SGCD: variants seen among roughly 807,000 people sequenced by gnomAD.
SGCD encodes the protein sarcoglycan delta.
SGCD carries 18 observed loss-of-function variants against 36.6 expected under a neutral mutation model. The observed-to-expected ratio is 0.49, with a 90% CI of 0.34 to 0.73. The LOEUF is 0.73. SGCD is among the 30% of genes least tolerant of loss of function. The probability of loss-of-function intolerance (pLI) is 0.01; values close to 1 mark genes in which losing one functional copy is unlikely to be tolerated. For synonymous variants in SGCD, 133 were observed against 130.6 expected (o/e 1.02, Z -0.12); for missense variants, 387 against 346.7 (o/e 1.12, Z -0.92).
chr5:156,365,730 C>T (rs1258464153), intron 3 of SGCD, among the ~76,000 whole-genome samples: 2 of 151,782 alleles, frequency 1.3e-5, no homozygotes, highest in African/African-American at 4.8e-5. Flanking sequence ...ACAATATATA[C>T]ATGTATATAT....
intron 6 of SGCD, among the ~76,000 whole-genome samples, chr5:156,642,539 G>A (rs561602110): frequency 1.4e-5 from 2 of 138,150 alleles, no homozygotes; most frequent in African/African-American, 2.8e-5. Context: ...ATGGGATCTC[G>A]ACTCCCTGCA....
At chr5:156,397,045 A>G (rs1196457009) in intron 3 of SGCD, among the ~76,000 whole-genome samples, 1 of 152,154 alleles carries the variant, frequency 6.6e-6, no homozygotes, top group African/African-American at 2.4e-5. Context: ...TAGGAGGTTA[A>G]AGGGTCACAA....
intron 3 of SGCD, among the ~76,000 whole-genome samples, chr5:156,242,309 T>A (rs1765325191): frequency 6.6e-6 from 1 of 152,120 alleles, no homozygotes; most frequent in Non-Finnish European, 1.5e-5. Context: ...AGTAGATTAG[T>A]GGCAGGATTA....
chr5:156,443,131 C>T (rs1024805034), intron 3 of SGCD, among the ~76,000 whole-genome samples: 4 of 151,968 alleles, frequency 2.6e-5, no homozygotes, highest in Non-Finnish European at 2.9e-5. Context: ...ATTAGAGGCA[C>T]GCACCATCAT....
chr5:155,940,992 G>A (rs1361440443), intron 1 of SGCD, among the ~76,000 whole-genome samples: 1 of 152,206 alleles, frequency 6.6e-6, no homozygotes, highest in East Asian at 1.9e-4. Flanking sequence ...AATGTATGAA[G>A]AAGAGACATT....
chr5:156,160,593 C>G lies in SGCD; in HGVS notation c.-44+36574C>G, dbSNP rs1763063884. ...TTGAGTTATATTTCCTAAGAGGAAG[C>G]ATTTTTATTTTAAGATTTTGAGGAA... On this transcript the variant is annotated intron_variant, in intron 3 of 9. Coordinates refer to the SGCD transcript ENST00000517913. 1.3e-5 allele frequency among the ~76,000 whole-genome samples: 2 copies of G among 151,622 alleles called. 1 individual carries two copies. The highest frequency in any genetic ancestry group is 4.9e-5 in the African/African-American group (2 of 40,974).
chr5:156,426,833 GT>G (rs1239791377), intron 3 of SGCD, among the ~76,000 whole-genome samples: 1 of 152,018 alleles, frequency 6.6e-6, no homozygotes, highest in Non-Finnish European at 1.5e-5. Flanking sequence ...TGTTTGCTTT[GT>G]TGAAAATCAG....
chr5:156,520,399 A>G (rs2113031444), intron 4 of SGCD, among the ~76,000 whole-genome samples: 1 of 152,364 alleles, frequency 6.6e-6, no homozygotes, highest in East Asian at 1.9e-4. Flanking sequence ...TTCCATGCTT[A>G]TGAATAGGAA....
intron 3 of SGCD, among the ~76,000 whole-genome samples, chr5:156,135,320 C>T (rs1762430185): frequency 6.6e-6 from 1 of 152,028 alleles, no homozygotes; most frequent in Non-Finnish European, 1.5e-5. Context: ...TATATCCATT[C>T]TTATTACCTT....
chr5:156,224,832 T>C (rs1486738622), intron 3 of SGCD, among the ~76,000 whole-genome samples: 4 of 152,160 alleles, frequency 2.6e-5, no homozygotes, highest in Admixed American at 6.6e-5. Context: ...ATTTAGTCTA[T>C]AGCCTTTCTT....
intron 3 of SGCD, among the ~76,000 whole-genome samples, chr5:156,220,494 A>G (rs572748829): frequency 7.2e-5 from 11 of 152,276 alleles, no homozygotes; most frequent in Non-Finnish European, 1.5e-4. Context: ...GTGTCTTAAA[A>G]GGACAAATTA....
intron 3 of SGCD, among the ~76,000 whole-genome samples, chr5:156,169,362 A>G (rs1340435242): frequency 1.3e-5 from 2 of 152,076 alleles, no homozygotes; most frequent in East Asian, 1.9e-4. Flanking sequence ...TTTTGTAAAC[A>G]TTTTTTCTCC....
the SGCD span, among the ~76,000 whole-genome samples, chr5:155,811,947 G>A: frequency 6.6e-6 from 1 of 151,350 alleles, no homozygotes; most frequent in East Asian, 1.9e-4. Context: ...ACAGAGATTA[G>A]AATTTACAAT....
At chr5:156,547,371 A>G (rs73297179) in intron 4 of SGCD, among the ~76,000 whole-genome samples, 4,906 of 152,268 alleles carry the variant, frequency 0.032, 275 homozygotes, top group African/African-American at 0.11. Flanking sequence ...CTGGTTGAGA[A>G]TAACTATTCC....
intron 3 of SGCD, among the ~76,000 whole-genome samples, chr5:156,493,122 C>A (rs1383140148): frequency 6.6e-6 from 1 of 152,066 alleles, no homozygotes. Flanking sequence ...GGTTCTAGAT[C>A]CTTGAGGAAT....
intron 4 of SGCD, among the ~76,000 whole-genome samples, chr5:156,585,585 C>G (rs1222280650): frequency 6.6e-6 from 1 of 152,148 alleles, no homozygotes; most frequent in Non-Finnish European, 1.5e-5. Context: ...GTGTTGAGAG[C>G]CTTCCAGAAG....
chr5:155,769,447 AAAAAATTTGG>A, the SGCD span, among the ~76,000 whole-genome samples: 1 of 152,020 alleles, frequency 6.6e-6, no homozygotes, highest in African/African-American at 2.4e-5. Context: ...CAAAAAAAAA[AAAAAATTTGG>A]AAGGGAGACT....
chr5:156,431,826 C>T (rs948107354), intron 3 of SGCD, among the ~76,000 whole-genome samples: 3 of 152,154 alleles, frequency 2.0e-5, no homozygotes, highest in East Asian at 3.8e-4. Flanking sequence ...GGTGATTCTC[C>T]TGCCTCAACC....
intron 7 of SGCD, among the ~76,000 whole-genome samples, chr5:156,747,062 C>T (rs73304945): frequency 0.03 from 4,582 of 151,908 alleles, 219 homozygotes; most frequent in African/African-American, 0.11. Flanking sequence ...TAAATAGACC[C>T]CTTCCAAATA....
Sources: allele counts gnomAD v4.1 joint callset (sites outside exome capture counted in the v4.1 genomes callset), GRCh38; gene constraint gnomAD v4.1.1; transcripts MANE v1.5; gene names NCBI Gene and HGNC (gene_info 2026-07-23, HGNC 2026-07-21).